Variants in EPS15L1 observed in about 807,000 individuals in gnomAD.
The protein encoded by EPS15L1 is epidermal growth factor receptor pathway substrate 15 like 1.
Under a neutral mutation model 117.1 loss-of-function variants are expected in EPS15L1, and 43 were observed. That is an observed-to-expected ratio of 0.37 (90% CI 0.29 to 0.47). EPS15L1 has a LOEUF of 0.47. Among genes scored for constraint, EPS15L1 ranks in the 20% least tolerant of loss-of-function variants. The probability of loss-of-function intolerance (pLI) is 0.99; values close to 1 mark genes in which losing one functional copy is unlikely to be tolerated. For missense variants in EPS15L1, 981 were observed against 1,164.0 expected, an observed-to-expected ratio of 0.84 and a Z score of 2.29; for synonymous variants, 459 against 470.5, an observed-to-expected ratio of 0.98 and a Z score of 0.32.
At chr19:16,376,333 T>C (rs2092294894) in intron 22 of EPS15L1, among the ~76,000 whole-genome samples, 1 of 152,270 alleles carries the variant, frequency 6.6e-6, no homozygotes, top group Non-Finnish European at 1.5e-5. Flanking sequence ...CTTGAAGCAA[T>C]AGCTTTCTGT....
At chr19:16,458,087 G>A (rs1008903179) in intron 1 of EPS15L1, among the ~76,000 whole-genome samples, 6 of 152,140 alleles carry the variant, frequency 3.9e-5, no homozygotes, top group Non-Finnish European at 5.9e-5. Context: ...CCCAGGACTC[G>A]GTTGGGATGG....
Position 16,404,195 on chromosome 19 carries a change from C to T in EPS15L1, c.1429-265G>A, listed in dbSNP as rs1442879527. Among the ~76,000 whole-genome samples the T allele has an allele frequency of 6.6e-6, 1 of 152,188 alleles. No individual in the cohort carries two copies. The highest frequency in any genetic ancestry group is 1.5e-5 in the Non-Finnish European group (1 of 68,044). On this transcript the variant is annotated intron_variant, in intron 14 of 23. Coordinates refer to ENST00000455140, the MANE Select transcript of EPS15L1 (RefSeq NM_001258374.3). The surrounding 1 kb of genome is among the most constrained non-coding windows in gnomAD (Gnocchi z 4.2). ...AGGGGCATGACCAAGCACGAACAAT[C>T]TGTCCATCCCCCCAGAGGCTGAACG...
chr19:16,428,265 C>T (rs1232140305), intron 8 of EPS15L1, among the ~76,000 whole-genome samples: 1 of 151,568 alleles, frequency 6.6e-6, no homozygotes, highest in Admixed American at 6.6e-5. Flanking sequence ...GTAATCCCAG[C>T]ACTTTGGGAG....
At chr19:16,460,933 T>A (rs1357737206) in intron 1 of EPS15L1, among the ~76,000 whole-genome samples, 1 of 152,128 alleles carries the variant, frequency 6.6e-6, no homozygotes, top group African/African-American at 2.4e-5. Flanking sequence ...TCTTTCCCCT[T>A]TGGAGAGTGT....
rs970136409 is a variant in EPS15L1, at chr19:16,422,974, G to C, written c.793-1498C>G. On this transcript the variant is annotated intron_variant, in intron 9 of 23. Coordinates refer to ENST00000455140, the MANE Select transcript of EPS15L1 (RefSeq NM_001258374.3). ...CTCCGTCTCGGGGAAAAAAAAAGGG[G>C]GGGGGGATTTCTCAAAGAGTTCTCA... Among the ~76,000 whole-genome samples, 21 of 150,618 alleles carry C rather than the reference G, an allele frequency of 1.4e-4. No individual in the cohort carries two copies. The South Asian group carries it at 2.8e-3, about 20-fold the overall frequency.
At chr19:16,357,275 T>A (rs758658583) in intron 23 of EPS15L1, 8 of 151,510 alleles carry the variant, frequency 5.3e-5, no homozygotes, top group African/African-American at 1.9e-4. Flanking sequence ...CTAGACTTTT[T>A]CCCCCCCAGG....
rs546410519 is a variant in EPS15L1, at chr19:16,384,865, C to T, written c.2247+264G>A. 3.9e-5 allele frequency among the ~76,000 whole-genome samples: 6 copies of T among 152,184 alleles called. No homozygotes were observed. The South Asian group carries it at 8.3e-4, about 21-fold the overall frequency. ...TACTCGGCCATGGCAATGACTTCAC[C>T]GTCTGAGACCTGATGGTCGTCAGAC... On this transcript the variant is annotated intron_variant, in intron 21 of 23. Coordinates refer to ENST00000455140, the MANE Select transcript of EPS15L1 (RefSeq NM_001258374.3).
At chr19:16,459,102 A>C (rs10411785) in intron 1 of EPS15L1, among the ~76,000 whole-genome samples, 21,136 of 152,194 alleles carry the variant, frequency 0.14, 1,534 homozygotes, top group Non-Finnish European at 0.15. Flanking sequence ...AACATATCTA[A>C]ACATAGCAAA....
At chr19:16,426,050 C>T (rs917073442) in intron 8 of EPS15L1, among the ~76,000 whole-genome samples, 1 of 152,168 alleles carries the variant, frequency 6.6e-6, no homozygotes, top group African/African-American at 2.4e-5. Flanking sequence ...TGGGTGTTGA[C>T]CGTATCAAGG....
chr19:16,428,269 T>C (rs1449068693), intron 8 of EPS15L1, among the ~76,000 whole-genome samples: 3 of 150,698 alleles, frequency 2.0e-5, no homozygotes, highest in Non-Finnish European at 3.0e-5. Flanking sequence ...TCCCAGCACT[T>C]TGGGAGGCCG....
At chr19:16,418,203 AAAC>A (rs1158442177) in intron 10 of EPS15L1, 99 bp from the exon 11 acceptor site, 14 of 1,382,948 alleles carry the variant, frequency 1.0e-5, no homozygotes, top group East Asian at 4.7e-5. Context: ...ACAGCGACGA[AAAC>A]AACGGCAGGG....
intron 16 of EPS15L1, among the ~76,000 whole-genome samples, chr19:16,397,650 G>A (rs2092554009): frequency 6.6e-6 from 1 of 151,868 alleles, no homozygotes; most frequent in Non-Finnish European, 1.5e-5. Context: ...GAGTACTTAT[G>A]CAGTTAGAAT....
At position 16,434,438 on chromosome 19, in the gene EPS15L1, T is replaced by C. The variant is rs1314375905; in HGVS notation, c.425A>G (p.Asn142Ser). Residue 142 changes from asparagine (N) to serine (S), a missense_variant, in exon 7 of 24, where the codon AAT (asparagine) becomes AGT (serine). Coordinates refer to ENST00000455140, the MANE Select transcript of EPS15L1 (RefSeq NM_001258374.3). ...GACTTTGTCTCCAGAGAGCAAACCA[T>C]TGATGGGCAAGAGGCTTTCAAAAAT... is the stretch of plus-strand genomic sequence containing the variant. ...DGIFESLLPI[N>S]GLLSGDKVKP... 3 of 1,614,202 alleles carry C rather than the reference T, an allele frequency of 1.9e-6. No homozygotes were observed. Among genetic ancestry groups the C allele is most frequent in the South Asian group, 2.2e-5 (2 of 91,080 alleles).
rs550710023 is a variant in EPS15L1 at position 16,397,177 on chromosome 19, C to T, written c.1792-1710G>A. 3.3e-5 allele frequency among the ~76,000 whole-genome samples: 5 copies of T among 152,154 alleles called. No individual in the cohort carries two copies. The South Asian group carries it at 8.3e-4, about 25-fold the overall frequency. ...TGATCTCGGCTCACTGCAACCTCCA[C>T]CTCCCGGGTTCAAGTGATTCTCCTG... On this transcript the variant is annotated intron_variant, in intron 16 of 23. Coordinates refer to ENST00000455140, the MANE Select transcript of EPS15L1 (RefSeq NM_001258374.3).
intron 22 of EPS15L1, among the ~76,000 whole-genome samples, chr19:16,373,067 C>T (rs907244391): frequency 2.6e-5 from 4 of 152,158 alleles, no homozygotes; most frequent in African/African-American, 2.4e-5. Flanking sequence ...ATGTGCCAGG[C>T]GGAGAGATGA....
intron 6 of EPS15L1, among the ~76,000 whole-genome samples, chr19:16,436,183 C>T (rs1161674957): frequency 2.6e-5 from 4 of 152,196 alleles, no homozygotes; most frequent in Admixed American, 2.0e-4. Context: ...ACCGTGTAAA[C>T]ATGGGACGAA....
intron 22 of EPS15L1, among the ~76,000 whole-genome samples, chr19:16,367,041 C>T (rs147826858): frequency 7.4e-4 from 113 of 152,098 alleles, no homozygotes; most frequent in African/African-American, 2.6e-3. Flanking sequence ...GGGTTTTATA[C>T]TTTTTTATGG....
intron 22 of EPS15L1, among the ~76,000 whole-genome samples, chr19:16,372,188 T>C (rs1449546144): frequency 6.6e-6 from 1 of 152,166 alleles, no homozygotes; most frequent in Non-Finnish European, 1.5e-5. Context: ...TGGCCAACTG[T>C]GGGCTACTCA....
chr19:16,433,879 C>T (rs905189033), intron 7 of EPS15L1, among the ~76,000 whole-genome samples: 2 of 152,074 alleles, frequency 1.3e-5, no homozygotes, highest in Non-Finnish European at 2.9e-5. Flanking sequence ...ATGAGAATTG[C>T]TTGAACCGGG....
Sources: allele counts gnomAD v4.1 joint callset (sites outside exome capture counted in the v4.1 genomes callset), GRCh38; gene constraint gnomAD v4.1.1; non-coding constraint Gnocchi (gnomAD v3.1); transcripts MANE v1.5; gene names NCBI Gene and HGNC (gene_info 2026-07-23, HGNC 2026-07-21).